VTI1A: variants seen among roughly 807,000 people sequenced by gnomAD.
VTI1A encodes the protein vesicle transport through interaction with t-SNAREs homolog 1A.
In VTI1A, 22 loss-of-function variants were observed where a neutral mutation model predicts 34.9. That is an observed-to-expected ratio of 0.63 (90% CI 0.45 to 0.90). The LOEUF (loss-of-function observed/expected upper bound fraction) is 0.90. VTI1A is among the 40% of genes least tolerant of loss of function. VTI1A has a pLI of 0.00. For missense variants in VTI1A, 268 were observed against 275.6 expected (o/e 0.97, Z 0.20); for synonymous variants, 87 against 97.3 (o/e 0.89, Z 0.62).
At chr10:112,708,643 GC>G (rs1430466819) in intron 7 of VTI1A, among the ~76,000 whole-genome samples, 1 of 152,192 alleles carries the variant, frequency 6.6e-6, no homozygotes, top group African/African-American at 2.4e-5. Flanking sequence ...TTTGACAGAA[GC>G]GAGTCACCAG....
At chr10:112,693,791 A>G (rs1393494783) in intron 7 of VTI1A, among the ~76,000 whole-genome samples, 1 of 152,236 alleles carries the variant, frequency 6.6e-6, no homozygotes, top group Non-Finnish European at 1.5e-5. Flanking sequence ...ATGCACTTGG[A>G]GAAATAAAAG....
chr10:112,605,763 G>A (rs556419214), intron 5 of VTI1A, among the ~76,000 whole-genome samples: 11 of 152,286 alleles, frequency 7.2e-5, no homozygotes, highest in Non-Finnish European at 1.3e-4. Context: ...TACAGGGAAA[G>A]GATGTGAGTA....
the VTI1A span, among the ~76,000 whole-genome samples, chr10:112,853,237 T>G: frequency 6.6e-6 from 1 of 152,180 alleles, no homozygotes; most frequent in East Asian, 1.9e-4. Flanking sequence ...AGTGACCATG[T>G]CTGTGAGCTC....
At chr10:112,835,169 A>C in the VTI1A span, among the ~76,000 whole-genome samples, 1 of 152,148 alleles carries the variant, frequency 6.6e-6, no homozygotes, top group Non-Finnish European at 1.5e-5. Context: ...CAAAGCCAAA[A>C]GGAGCCCTCT....
At chr10:112,549,499 A>T (rs987795663) in intron 5 of VTI1A, among the ~76,000 whole-genome samples, 4 of 152,246 alleles carry the variant, frequency 2.6e-5, no homozygotes, top group African/African-American at 9.6e-5. Flanking sequence ...AAAATAACAA[A>T]TTAACACTTT....
intron 7 of VTI1A, among the ~76,000 whole-genome samples, chr10:112,768,511 G>T (rs1445710014): frequency 1.3e-5 from 2 of 152,118 alleles, no homozygotes; most frequent in African/African-American, 4.8e-5. Flanking sequence ...CATTACATTT[G>T]GGGTTTTTTC....
chr10:112,846,904 A>G, the VTI1A span, among the ~76,000 whole-genome samples: 1 of 152,234 alleles, frequency 6.6e-6, no homozygotes, highest in Non-Finnish European at 1.5e-5. Flanking sequence ...GAAGAGACCC[A>G]AGATATACTT....
At chr10:112,570,590 AAATAT>A (rs1285593239) in intron 5 of VTI1A, among the ~76,000 whole-genome samples, 1 of 152,236 alleles carries the variant, frequency 6.6e-6, no homozygotes, top group Non-Finnish European at 1.5e-5. Flanking sequence ...TAATGAAGGA[AAATAT>A]AATATTTAAA....
At chr10:112,701,270 T>C (rs1189482644) in intron 7 of VTI1A, among the ~76,000 whole-genome samples, 1 of 152,192 alleles carries the variant, frequency 6.6e-6, no homozygotes, top group Non-Finnish European at 1.5e-5. Context: ...AACTAGACCA[T>C]TTAAACACAG....
intron 5 of VTI1A, among the ~76,000 whole-genome samples, chr10:112,574,437 G>A (rs912987194): frequency 3.9e-5 from 6 of 152,188 alleles, no homozygotes; most frequent in Admixed American, 1.3e-4. Flanking sequence ...TAAAGCCATA[G>A]CAGTCTTATT....
intron 3 of VTI1A, among the ~76,000 whole-genome samples, chr10:112,522,712 G>A (rs573484530): frequency 6.6e-6 from 1 of 152,188 alleles, no homozygotes; most frequent in Admixed American, 6.6e-5. Context: ...GCCTTGTGAT[G>A]TAGCTGTGTG....
chr10:112,589,250 GAATGGGAGAT>G (rs2134425999), intron 5 of VTI1A, among the ~76,000 whole-genome samples: 1 of 152,188 alleles, frequency 6.6e-6, no homozygotes, highest in Non-Finnish European at 1.5e-5. Context: ...GGAGGGACCC[GAATGGGAGAT>G]AATTGAATCA....
At chr10:112,454,992 T>G (rs1377196034) in intron 1 of VTI1A, among the ~76,000 whole-genome samples, 1 of 151,996 alleles carries the variant, frequency 6.6e-6, no homozygotes, top group Non-Finnish European at 1.5e-5. Context: ...ATGATAGCCC[T>G]TAGTTACAAA....
chr10:112,854,228 A>T, the VTI1A span, among the ~76,000 whole-genome samples: 2 of 152,356 alleles, frequency 1.3e-5, no homozygotes, highest in Non-Finnish European at 2.9e-5. Context: ...AAAGCCTTCT[A>T]ACAATAATAA....
chr10:112,724,184 A>G (rs1181155584), intron 7 of VTI1A, among the ~76,000 whole-genome samples: 1 of 152,186 alleles, frequency 6.6e-6, no homozygotes, highest in East Asian at 1.9e-4. Context: ...TCATTTCTGT[A>G]TCAAGTATGG....
Position 112,464,671 on chromosome 10 carries a change from G to A in VTI1A, c.264+14G>A, listed in dbSNP as rs1157946122. 7 of 1,603,076 alleles carry A rather than the reference G, an allele frequency of 4.4e-6. No individual in the cohort carries two copies. The highest frequency in any genetic ancestry group is 1.6e-4 in the Middle Eastern group (1 of 6,072). ...GAAACAGATTTTGTGAGTCAAATTC[G>A]ACCCTTTGTCATATTTACTTTTTTT... On this transcript the variant is annotated intron_variant, in intron 3 of 7. Transcript: ENST00000393077.
intron 3 of VTI1A, among the ~76,000 whole-genome samples, chr10:112,507,756 T>C (rs775276494): frequency 1.4e-4 from 22 of 152,196 alleles, no homozygotes; most frequent in Non-Finnish European, 2.1e-4. Flanking sequence ...AAGCATTGGC[T>C]GGTTGACCCT....
intron 3 of VTI1A, among the ~76,000 whole-genome samples, chr10:112,505,794 C>T (rs1849409581): frequency 1.3e-5 from 2 of 152,036 alleles, no homozygotes; most frequent in Admixed American, 1.3e-4. Flanking sequence ...CCACTTCTGC[C>T]TCCTGAGTAG....
At chr10:112,525,241 G>A (rs1050293677) in intron 3 of VTI1A, among the ~76,000 whole-genome samples, 1 of 152,106 alleles carries the variant, frequency 6.6e-6, no homozygotes, top group African/African-American at 2.4e-5. Context: ...CCTCCTCTCT[G>A]CAACGTTGTT....
Sources: gnomAD v4.1 joint callset for allele counts (sites outside exome capture counted in the v4.1 genomes callset) on GRCh38, gnomAD v4.1.1 for gene constraint, MANE v1.5 for transcripts, NCBI Gene and HGNC (gene_info 2026-07-23, HGNC 2026-07-21) for gene names.